Variants in ATL1 observed in about 807,000 individuals in gnomAD.
ATL1 encodes atlastin GTPase 1.
In ATL1, 31 loss-of-function variants were observed where a neutral mutation model predicts 75.5. The ratio of observed to expected loss-of-function variants is 0.41; its 90% confidence interval spans 0.31 to 0.55. ATL1 has a LOEUF of 0.55. Among genes scored for constraint, ATL1 ranks in the 20% least tolerant of loss-of-function variants. The probability of loss-of-function intolerance (pLI) is 0.27; values close to 1 mark genes in which losing one functional copy is unlikely to be tolerated. For missense variants in ATL1, 405 were observed against 662.6 expected (o/e 0.61, Z 4.27); for synonymous variants, 226 against 233.3 (o/e 0.97, Z 0.28).
At chr14:50,548,543 T>C (rs961091474) in intron 1 of ATL1, among the ~76,000 whole-genome samples, 2 of 152,114 alleles carry the variant, frequency 1.3e-5, no homozygotes, top group African/African-American at 4.8e-5. Flanking sequence ...GGAGTCTTGC[T>C]CTGTCACCCA....
At chr14:50,557,797 G>A (rs931331096), upstream of ATL1, among the ~76,000 whole-genome samples, 5 of 152,194 alleles carry the variant, frequency 3.3e-5, no homozygotes, top group African/African-American at 1.2e-4. Context: ...TAGCACCCAC[G>A]TCTTGGTTTC....
upstream of ATL1, among the ~76,000 whole-genome samples, chr14:50,557,162 T>C (rs1488053220): frequency 6.6e-6 from 1 of 152,238 alleles, no homozygotes; most frequent in Admixed American, 6.5e-5. Context: ...TATTATCTTT[T>C]TGATTATAGT....
intron 7 of ATL1, among the ~76,000 whole-genome samples, chr14:50,613,887 C>T (rs747129961): frequency 2.3e-4 from 35 of 152,104 alleles, no homozygotes; most frequent in Non-Finnish European, 4.1e-4. Flanking sequence ...TATGTATTTA[C>T]ATAAAGTGGG....
chr14:50,550,399 C>G (rs1463025967), intron 1 of ATL1, among the ~76,000 whole-genome samples: 1 of 152,234 alleles, frequency 6.6e-6, no homozygotes, highest in African/African-American at 2.4e-5. Context: ...CCCATGGCAG[C>G]TGGTAATGTC....
intron 1 of ATL1, among the ~76,000 whole-genome samples, chr14:50,555,006 A>C (rs1000423950): frequency 1.3e-5 from 2 of 152,180 alleles, no homozygotes; most frequent in Non-Finnish European, 2.9e-5. Context: ...TTAGACCCCA[A>C]AATTTTTGTT....
At chr14:50,615,021 GT>G (rs2039401621) in intron 8 of ATL1, among the ~76,000 whole-genome samples, 1 of 152,138 alleles carries the variant, frequency 6.6e-6, no homozygotes, top group African/African-American at 2.4e-5. Context: ...GCACTAGAGT[GT>G]TTTTCAAATA....
intron 4 of ATL1, 154 bp downstream of exon 4, chr14:50,591,793 G>T (rs2934683): frequency 3.3e-6 from 2 of 602,686 alleles, no homozygotes; most frequent in Non-Finnish European, 5.8e-6. Context: ...TGATTTCTGT[G>T]AGAGTGGAAT....
intron 5 of ATL1, among the ~76,000 whole-genome samples, chr14:50,594,501 G>C (rs1274960204): frequency 6.6e-6 from 1 of 152,010 alleles, no homozygotes; most frequent in Non-Finnish European, 1.5e-5. Flanking sequence ...AAAAAACACA[G>C]CTGAGGTGAT....
At chr14:50,622,591 A>G (rs2039478022) in intron 10 of ATL1, among the ~76,000 whole-genome samples, 1 of 151,970 alleles carries the variant, frequency 6.6e-6, no homozygotes, top group African/African-American at 2.4e-5. Context: ...GCTTGAACCC[A>G]GGAGATGGAG....
At chr14:50,601,887 T>G (rs927955813) in intron 6 of ATL1, among the ~76,000 whole-genome samples, 1 of 152,164 alleles carries the variant, frequency 6.6e-6, no homozygotes, top group Admixed American at 6.5e-5. Context: ...TGTGCAAGTT[T>G]TATTTGAGTA....
chr14:50,541,919 A>G lies in ATL1; in HGVS notation c.-140+8552A>G, dbSNP rs569087660. On this transcript the variant is annotated intron_variant, in intron 1 of 13. Coordinates refer to the ATL1 transcript ENST00000441560. The stretch of plus-strand genomic sequence containing the variant: ...CTACTTGGGAAGCTGAGGCAGGAGA[A>G]TGGCATGAACCCAGGAGGCAGAGCT... Among the ~76,000 whole-genome samples the G allele has an allele frequency of 5.6e-5, 8 of 143,244 alleles. 1 individual carries two copies. The South Asian group carries it at 1.9e-3, about 33-fold the overall frequency. The allele number at this position is 143,244 out of a possible 152,430, so 94.0% of individuals were successfully genotyped here.
chr14:50,633,032 C>A lies in ATL1; in HGVS notation c.*693C>A, dbSNP rs2039599462. 1 of 151,950 alleles carries A rather than the reference C, an allele frequency of 6.6e-6. No homozygotes were observed. The highest frequency in any genetic ancestry group is 2.4e-5 in the African/African-American group (1 of 41,392). The allele number at this position is 151,950 out of a possible 1,614,324, so 9.4% of individuals were successfully genotyped here. On this transcript the variant is annotated 3_prime_UTR_variant, in exon 14 of 14. Transcript: ENST00000358385. The stretch of plus-strand genomic sequence containing the variant: ...ACTATTATTAAAGTTTACTCTGGTT[C>A]CTAAGATTAAAAACAAATGCTTACT...
chr14:50,593,160 A>T (rs1195066595), intron 4 of ATL1, among the ~76,000 whole-genome samples: 1 of 151,904 alleles, frequency 6.6e-6, no homozygotes, highest in African/African-American at 2.4e-5. Flanking sequence ...CATTATTTAT[A>T]TTTGACCTGA....
intron 1 of ATL1, among the ~76,000 whole-genome samples, chr14:50,579,756 G>A (rs10136630): frequency 0.5 from 75,810 of 151,908 alleles, 19,935 homozygotes; most frequent in East Asian, 0.74. Flanking sequence ...AGAGCTGATC[G>A]GGTACATCTC....
chr14:50,582,007 G>A (rs549217925), intron 1 of ATL1, among the ~76,000 whole-genome samples: 3 of 152,176 alleles, frequency 2.0e-5, no homozygotes, highest in African/African-American at 4.8e-5. Flanking sequence ...ATGGCCAGTC[G>A]CGGTGGCTCA....
At chr14:50,629,756 A>C (rs537740450) in intron 12 of ATL1, among the ~76,000 whole-genome samples, 2 of 152,248 alleles carry the variant, frequency 1.3e-5, no homozygotes, top group South Asian at 4.2e-4. Context: ...AAGATTTAAG[A>C]GGGGTTGAGG....
chr14:50,623,278 T>C, intron 11 of ATL1, 30 bp downstream of exon 11: 1 of 1,560,554 alleles, frequency 6.4e-7, no homozygotes, highest in Non-Finnish European at 8.8e-7. Context: ...AATTCTGTCT[T>C]AAACAAAACC....
Position 50,546,438 on chromosome 14 carries a change from T to C in ATL1, c.-140+13071T>C, listed in dbSNP as rs1411860230. On this transcript the variant is annotated intron_variant, in intron 1 of 13. Coordinates refer to the ATL1 transcript ENST00000441560. ...TGTTTATATGTATGTACATGTGTTA[T>C]ATGTTATGTCTGACATGCTACCAAC... Among the ~76,000 whole-genome samples the C allele has an allele frequency of 1.6e-4, 25 of 152,156 alleles. 1 individual carries two copies.
chr14:50,606,983 A>G (rs2039321785), intron 6 of ATL1, among the ~76,000 whole-genome samples: 1 of 152,100 alleles, frequency 6.6e-6, no homozygotes, highest in Non-Finnish European at 1.5e-5. Context: ...ACTCTATGCA[A>G]ACACTTAGGA....
Sources: allele counts gnomAD v4.1 joint callset (sites outside exome capture counted in the v4.1 genomes callset), GRCh38; gene constraint gnomAD v4.1.1; transcripts MANE v1.5; gene names NCBI Gene and HGNC (gene_info 2026-07-23, HGNC 2026-07-21).